TARBP1: variants seen among roughly 807,000 people sequenced by gnomAD.
TARBP1 encodes the protein tRNA (guanosine(18)-2'-O)-methyltransferase TARBP1.
In TARBP1, 144 loss-of-function variants were observed where a neutral mutation model predicts 178.6. The ratio of observed to expected loss-of-function variants is 0.81; its 90% CI spans 0.70 to 0.93. The LOEUF is 0.93. Among genes scored for constraint, TARBP1 ranks in the 40% least tolerant of loss-of-function variants. The probability of loss-of-function intolerance (pLI) is 0.00; values close to 1 mark genes in which losing one functional copy is unlikely to be tolerated. For missense variants in TARBP1, 2,067 were observed against 2,011.7 expected (o/e 1.03, Z -0.53); for synonymous variants, 787 against 781.0 (o/e 1.01, Z -0.13).
intron 9 of TARBP1, among the ~76,000 whole-genome samples, chr1:234,453,604 G>A (rs562786171): frequency 6.6e-6 from 1 of 151,894 alleles, no homozygotes; most frequent in Admixed American, 6.5e-5. Context: ...CATTTCTATA[G>A]GTTTAAAATT....
chr1:234,434,643 AGCAACTATGGGC>A (rs1397740644), intron 13 of TARBP1, among the ~76,000 whole-genome samples: 3 of 152,236 alleles, frequency 2.0e-5, no homozygotes, highest in Non-Finnish European at 4.4e-5. Context: ...TCATAGAGCA[AGCAACTATGGGC>A]GTTAAGCTCA....
At chr1:234,421,839 C>A (rs551430397) in intron 20 of TARBP1, among the ~76,000 whole-genome samples, 1 of 152,314 alleles carries the variant, frequency 6.6e-6, no homozygotes, top group South Asian at 2.1e-4. Context: ...TCATTCACCA[C>A]CTCCAAAACC....
chr1:234,454,886 T>C (rs898035357), intron 9 of TARBP1, among the ~76,000 whole-genome samples: 2 of 152,212 alleles, frequency 1.3e-5, no homozygotes, highest in African/African-American at 2.4e-5. Flanking sequence ...GACATTATGC[T>C]GGATTATTTG....
intron 22 of TARBP1, among the ~76,000 whole-genome samples, chr1:234,417,224 A>T (rs1186426988): frequency 2.0e-5 from 3 of 152,242 alleles, no homozygotes; most frequent in African/African-American, 4.8e-5. Flanking sequence ...ATTGAAGTTT[A>T]ACAGTAAAGA....
chr1:234,463,622 C>G (rs985095277), intron 6 of TARBP1, among the ~76,000 whole-genome samples: 1 of 152,170 alleles, frequency 6.6e-6, no homozygotes, highest in Non-Finnish European at 1.5e-5. Flanking sequence ...CTCCATGCTA[C>G]TCATGCCAAT....
intron 26 of TARBP1, among the ~76,000 whole-genome samples, chr1:234,396,682 G>A (rs1225618843): frequency 6.6e-6 from 1 of 151,746 alleles, no homozygotes; most frequent in African/African-American, 2.4e-5. Flanking sequence ...CCAGAGGCCT[G>A]ACAAAAATTG....
chr1:234,446,772 C>T (rs748524892), intron 12 of TARBP1, 31 bp downstream of exon 12: 84 of 1,605,226 alleles, frequency 5.2e-5, no homozygotes, highest in Non-Finnish European at 7.0e-5. Flanking sequence ...CTATATCAAG[C>T]AAGATACCAA....
intron 12 of TARBP1, among the ~76,000 whole-genome samples, chr1:234,442,051 C>A (rs1476200705): frequency 7.6e-6 from 1 of 130,942 alleles, no homozygotes; most frequent in East Asian, 2.0e-4. Flanking sequence ...GGTGCAACTA[C>A]ACCAGCAAAG....
chr1:234,393,576 A>T, intron 27 of TARBP1, 70 bp downstream of exon 27: 1 of 1,578,586 alleles, frequency 6.3e-7, no homozygotes, highest in Non-Finnish European at 8.6e-7. Flanking sequence ...CTCCCGTGGC[A>T]GTGGATTAAT....
rs757389173 is a variant in TARBP1 at position 234,465,650 on chromosome 1, CTT to C, written c.1301+4_1301+5del. Reference sequence around the variant, plus strand: ...TCAAATACTTCATAACATAATGTCTCTTTACCTGCTATACAGAGAGCTCTCTG... The same window carrying C: ...TCAAATACTTCATAACATAATGTCTCTACCTGCTATACAGAGAGCTCTCTG... On this transcript the variant is annotated splice_donor_5th_base_variant and intron_variant, in intron 5 of 29. Coordinates refer to ENST00000040877, the MANE Select transcript of TARBP1 (RefSeq NM_005646.4). 6.4e-6 allele frequency: 10 copies of C among 1,561,054 alleles called. No individual in the cohort carries two copies. The South Asian group carries it at 1.1e-4, about 17-fold the overall frequency.
At chr1:234,472,662 A>G (rs761968128) in intron 2 of TARBP1, 52 bp downstream of exon 2, 2 of 1,299,428 alleles carry the variant, frequency 1.5e-6, no homozygotes, top group Non-Finnish European at 2.1e-6. Flanking sequence ...TGTTTTTAAA[A>G]AAGAAAAATT....
intron 28 of TARBP1, 93 bp downstream of exon 28, chr1:234,393,269 A>C (rs1302442262): frequency 1.6e-6 from 2 of 1,285,750 alleles, no homozygotes; most frequent in Non-Finnish European, 1.0e-6. Context: ...ATTTTTACAA[A>C]TACAAACTTT....
intron 13 of TARBP1, among the ~76,000 whole-genome samples, chr1:234,435,312 A>ACTAAAAATACAAAAATACAAAAATATT (rs1664892733): frequency 7.0e-6 from 1 of 143,108 alleles, no homozygotes. Flanking sequence ...ACAAAAATCT[A>ACTAAAAATACAAAAATACAAAAATATT]CTAAAAATAC....
At chr1:234,463,160 G>A (rs1572391125) in intron 6 of TARBP1, among the ~76,000 whole-genome samples, 1 of 151,898 alleles carries the variant, frequency 6.6e-6, no homozygotes, top group African/African-American at 2.4e-5. Flanking sequence ...GTCTTGCTCT[G>A]TCACCCAGGC....
At chr1:234,409,429 A>C (rs928958794) in intron 23 of TARBP1, among the ~76,000 whole-genome samples, 3 of 152,210 alleles carry the variant, frequency 2.0e-5, no homozygotes, top group African/African-American at 7.2e-5. Context: ...TTCTCAATAG[A>C]TTGTAAGCAA....
intron 5 of TARBP1, among the ~76,000 whole-genome samples, chr1:234,465,315 A>G (rs1668324751): frequency 6.6e-6 from 1 of 152,220 alleles, no homozygotes; most frequent in Non-Finnish European, 1.5e-5. Flanking sequence ...AAAAAGGAAA[A>G]TAAGTTTAAA....
chr1:234,410,593 A>T (rs955540226), intron 22 of TARBP1, 62 bp from the exon 23 acceptor site: 1 of 1,100,706 alleles, frequency 9.1e-7, no homozygotes, highest in African/African-American at 1.5e-5. Flanking sequence ...ATGCACGTGA[A>T]AGCGCCGTGC....
At chr1:234,474,281 C>G (rs564036) in intron 1 of TARBP1, among the ~76,000 whole-genome samples, 1 of 61,362 alleles carries the variant, frequency 1.6e-5, no homozygotes, top group African/African-American at 6.6e-5. Context: ...CACACACACA[C>G]ACACACAAAG....
At chr1:234,416,371 T>C (rs942642673) in intron 22 of TARBP1, among the ~76,000 whole-genome samples, 4 of 152,122 alleles carry the variant, frequency 2.6e-5, no homozygotes, top group Non-Finnish European at 4.4e-5. Flanking sequence ...TCCTGGCTCA[T>C]TGCAACCTCC....
Sources: gnomAD v4.1 joint callset for allele counts (sites outside exome capture counted in the v4.1 genomes callset) on GRCh38, gnomAD v4.1.1 for gene constraint, MANE v1.5 for transcripts, NCBI Gene and HGNC (gene_info 2026-07-23, HGNC 2026-07-21) for gene names.